Variants in CACNG3 observed in about 807,000 individuals in gnomAD.
The protein encoded by CACNG3 is voltage-dependent calcium channel gamma-3 subunit.
CACNG3 carries 3 observed loss-of-function variants against 28.5 expected under a neutral mutation model. The ratio of observed to expected loss-of-function variants is 0.11; its 90% confidence interval spans 0.05 to 0.27. The LOEUF is 0.27. CACNG3 is among the 10% of genes least tolerant of loss of function. The pLI is 1.00. For missense variants in CACNG3, 236 were observed against 414.4 expected (o/e 0.57, Z 3.74); for synonymous variants, 174 against 162.2 (o/e 1.07, Z -0.55).
chr16:24,303,956 C>A (rs1408701741), intron 1 of CACNG3, among the ~76,000 whole-genome samples: 5 of 152,074 alleles, frequency 3.3e-5, no homozygotes, highest in Non-Finnish European at 4.4e-5. Context: ...GTGGTCCCAG[C>A]CTACACCATA....
At chr16:24,357,823 A>G (rs1436044377) in intron 3 of CACNG3, among the ~76,000 whole-genome samples, 2 of 152,220 alleles carry the variant, frequency 1.3e-5, no homozygotes, top group African/African-American at 4.8e-5. Flanking sequence ...TTTCCTAAGA[A>G]CAAGAGAAGA....
chr16:24,352,161 C>T (rs926864987), intron 2 of CACNG3, among the ~76,000 whole-genome samples: 2 of 151,690 alleles, frequency 1.3e-5, no homozygotes, highest in African/African-American at 4.8e-5. Flanking sequence ...CACAAACAAG[C>T]AAACGAATGA....
chr16:24,319,265 G>A (rs1055409757), intron 1 of CACNG3, among the ~76,000 whole-genome samples: 1 of 152,168 alleles, frequency 6.6e-6, no homozygotes, highest in African/African-American at 2.4e-5. Context: ...TAGGCAGGGA[G>A]GTAAAGGAAG....
At chr16:24,339,371 C>T (rs1402971154) in intron 1 of CACNG3, among the ~76,000 whole-genome samples, 1 of 151,214 alleles carries the variant, frequency 6.6e-6, no homozygotes, top group Non-Finnish European at 1.5e-5. Flanking sequence ...AGCTAATTGC[C>T]TTCAGCTGCT....
At chr16:24,338,535 G>A (rs1315754647) in intron 1 of CACNG3, among the ~76,000 whole-genome samples, 1 of 152,080 alleles carries the variant, frequency 6.6e-6, no homozygotes, top group Admixed American at 6.5e-5. Flanking sequence ...AGTAGAGACA[G>A]GGTTTTACCA....
At chr16:24,329,944 G>A (rs1466790779) in intron 1 of CACNG3, among the ~76,000 whole-genome samples, 2 of 152,166 alleles carry the variant, frequency 1.3e-5, no homozygotes, top group East Asian at 1.9e-4. Context: ...GCTGAGGCAC[G>A]AGAATCTCTT....
intron 1 of CACNG3, among the ~76,000 whole-genome samples, chr16:24,345,127 G>C (rs1899843340): frequency 6.6e-6 from 1 of 152,118 alleles, no homozygotes; most frequent in African/African-American, 2.4e-5. Context: ...CTAGAGCTTT[G>C]CAAAAATTAT....
intron 2 of CACNG3, among the ~76,000 whole-genome samples, chr16:24,351,261 C>T (rs1250400104): frequency 6.6e-6 from 1 of 152,038 alleles, no homozygotes; most frequent in African/African-American, 2.4e-5. Flanking sequence ...CATGGGCATC[C>T]AGCCTGTTAG....
At position 24,361,901 on chromosome 16, in the gene CACNG3, T is replaced by C; in HGVS notation, c.*38T>C. 1 of 1,559,978 alleles carries C rather than the reference T, an allele frequency of 6.4e-7. No individual in the cohort carries two copies. On this transcript the variant is annotated 3_prime_UTR_variant, in exon 4 of 4. Transcript: ENST00000005284. This position sits in a 1 kb window ranked among gnomAD's most constrained non-coding sequence, Gnocchi z 6.8. ...CCTCTGCCCCACGCCCAGCACAGCC[T>C]TGGGGGAAGTGTACAGAGATGTCTC...
At chr16:24,282,428 T>A (rs1459383733) in intron 1 of CACNG3, among the ~76,000 whole-genome samples, 1 of 151,202 alleles carries the variant, frequency 6.6e-6, no homozygotes, top group Non-Finnish European at 1.5e-5. Flanking sequence ...TTAAACGGAA[T>A]CTTACACTCG....
chr16:24,302,459 T>G (rs1247765251), intron 1 of CACNG3, among the ~76,000 whole-genome samples: 1 of 152,034 alleles, frequency 6.6e-6, no homozygotes, highest in Non-Finnish European at 1.5e-5. Context: ...TTTTTTTTTA[T>G]TTTTTTATTT....
rs1264037169 is a variant in CACNG3, at chr16:24,317,631, ACAGAAAG to A, written c.212-29102_212-29096del. Among the ~76,000 whole-genome samples the A allele has an allele frequency of 9.5e-4, 53 of 55,784 alleles. 1 individual carries two copies. The highest frequency in any genetic ancestry group is 1.3e-3 in the African/African-American group (15 of 11,772). The allele number at this position is 55,784 out of a possible 152,430, so 36.6% of individuals were successfully genotyped here. A position where few individuals can be genotyped will look rare whatever the true frequency, so the allele number is the denominator to read the frequency against. On this transcript the variant is annotated intron_variant, in intron 1 of 3. Coordinates refer to ENST00000005284, the MANE Select transcript of CACNG3 (RefSeq NM_006539.4). ...GAAAGAAAGAAAGAAAGAAAGACAG[ACAGAAAG>A]AAAGAAAAGAAAAGAAAGAAAGAAA... is the stretch of plus-strand genomic sequence containing the variant.
rs191637008 is a variant in CACNG3 at position 24,309,949 on chromosome 16, A to G, written c.212-36785A>G. On this transcript the variant is annotated intron_variant, in intron 1 of 3. Transcript: ENST00000005284. ...GGGGACTTCAGACGTAATTTTAAAT[A>G]GGACAAAAAGCCACTAGAGGGCTTT... Among the ~76,000 whole-genome samples, 33 of 152,356 alleles carry G rather than the reference A, an allele frequency of 2.2e-4. 1 individual carries two copies. In the East Asian group the frequency reaches 6.2e-3, roughly 28 times the overall value.
chr16:24,297,815 G>A (rs1035411219), intron 1 of CACNG3, among the ~76,000 whole-genome samples: 8 of 152,092 alleles, frequency 5.3e-5, no homozygotes, highest in Non-Finnish European at 7.4e-5. Context: ...TTTCCTAGAC[G>A]TGGTCAGCAA....
rs183280022 is a variant in CACNG3, at chr16:24,261,934, A to G, written c.211+4969A>G. On this transcript the variant is annotated intron_variant, in intron 1 of 3. Coordinates refer to ENST00000005284, the MANE Select transcript of CACNG3 (RefSeq NM_006539.4). ...CAGGGAAGCTGCAAAGATGTGGTTG[A>G]GGATGGAGGTGAGGAAAAGACATAA... is the stretch of plus-strand genomic sequence containing the variant. Among the ~76,000 whole-genome samples the G allele has an allele frequency of 5.7e-4, 87 of 152,340 alleles. 1 individual carries two copies. The highest frequency in any genetic ancestry group is 9.8e-4 in the Admixed American group (15 of 15,302).
chr16:24,316,489 C>CG (rs954258611), intron 1 of CACNG3, among the ~76,000 whole-genome samples: 1 of 152,162 alleles, frequency 6.6e-6, no homozygotes, highest in African/African-American at 2.4e-5. Flanking sequence ...AAAGCTCCTG[C>CG]GGGAAGGACA....
Position 24,361,907 on chromosome 16 carries a change from G to C in CACNG3, c.*44G>C, listed in dbSNP as rs773994251. ...CCCCACGCCCAGCACAGCCTTGGGG[G>C]AAGTGTACAGAGATGTCTCTGAGGT... On this transcript the variant is annotated 3_prime_UTR_variant, in exon 4 of 4. Transcript: ENST00000005284. The surrounding 1 kb of genome is among the most constrained non-coding windows in gnomAD (Gnocchi z 6.8). The C allele has an allele frequency of 6.5e-7, 1 of 1,545,858 alleles. No individual in the cohort carries two copies. Among genetic ancestry groups the C allele is most frequent in the Admixed American group, 1.8e-5 (1 of 54,934 alleles).
At chr16:24,346,662 G>A (rs9929254) in intron 1 of CACNG3, 72 bp from the exon 2 acceptor site, 36,039 of 943,976 alleles carry the variant, frequency 0.038, 1,232 homozygotes, top group African/African-American at 0.23. Context: ...TGCACATAGC[G>A]GTGAGGACCC....
In CACNG3 at chr16:24,288,305, C is replaced by T. The variant is rs1898921137; in HGVS notation, c.211+31340C>T. Among the ~76,000 whole-genome samples, 4 of 152,178 alleles carry T rather than the reference C, an allele frequency of 2.6e-5. No homozygotes were observed. In the South Asian group the frequency reaches 8.3e-4, roughly 32 times the overall value. ...GCTAACAGCTTCACATGCACTCTCT[C>T]ATTTAATCCCAAGCACAACCCAATA... On this transcript the variant is annotated intron_variant, in intron 1 of 3. Transcript: ENST00000005284.
Sources: allele counts gnomAD v4.1 joint callset (sites outside exome capture counted in the v4.1 genomes callset), GRCh38; gene constraint gnomAD v4.1.1; non-coding constraint Gnocchi (gnomAD v3.1); transcripts MANE v1.5; gene names NCBI Gene and HGNC (gene_info 2026-07-23, HGNC 2026-07-21).